The following PFKP variants were observed in gnomAD, a reference collection of about 807,000 sequenced individuals.
PFKP encodes the protein ATP-dependent 6-phosphofructokinase, platelet type.
A neutral mutation model predicts 94.3 loss-of-function variants in PFKP; 101 were observed. The observed-to-expected ratio is 1.07, with a 90% CI of 0.91 to 1.26. The LOEUF (loss-of-function observed/expected upper bound fraction) is 1.26, where lower values mean the gene tolerates loss of function less well. PFKP is among the 50% of genes most tolerant of loss of function. The pLI is 0.00. For synonymous variants in PFKP, 573 were observed against 432.6 expected (o/e 1.32, Z -4.03); for missense variants, 1,145 against 1,103.3 (o/e 1.04, Z -0.53).
intron 16 of PFKP, among the ~76,000 whole-genome samples, chr10:3,128,327 A>G (rs1838176390): frequency 6.6e-6 from 1 of 152,230 alleles, no homozygotes; most frequent in African/African-American, 2.4e-5. Context: ...TTCTGTGAAG[A>G]GAGGACATGG....
chr10:3,098,486 C>T lies in PFKP; in HGVS notation c.187-789C>T, dbSNP rs199969788. Among the ~76,000 whole-genome samples, 13 of 151,904 alleles carry T rather than the reference C, an allele frequency of 8.6e-5. No individual in the cohort carries two copies. In the East Asian group the frequency reaches 2.1e-3, roughly 25 times the overall value. Reference sequence around the variant, plus strand: ...GTCAGGAGTTTGAGACCAGCATGGCCAACAAGGTGAAGCCCCGTCTCTACT... The same window carrying T: ...GTCAGGAGTTTGAGACCAGCATGGCTAACAAGGTGAAGCCCCGTCTCTACT... On this transcript the variant is annotated intron_variant, in intron 2 of 21. Coordinates refer to ENST00000381125, the MANE Select transcript of PFKP (RefSeq NM_002627.5).
chr10:3,099,969 T>G (rs1034269121), intron 3 of PFKP, among the ~76,000 whole-genome samples: 1 of 151,594 alleles, frequency 6.6e-6, no homozygotes, highest in Non-Finnish European at 1.5e-5. Context: ...CGTGTGTATG[T>G]GTTAACTGTG....
chr10:3,075,905 A>G lies in PFKP; in HGVS notation c.113-6483A>G, dbSNP rs1190786672. Among the ~76,000 whole-genome samples the G allele has an allele frequency of 4.6e-3, 317 of 69,116 alleles. 3 individuals carry two copies. The highest frequency in any genetic ancestry group is 0.031 in the African/African-American group (304 of 9,828). 45.3% of individuals were successfully genotyped at this position (69,116 alleles called of 152,430 possible). On this transcript the variant is annotated intron_variant, in intron 1 of 21. Coordinates refer to ENST00000381125, the MANE Select transcript of PFKP (RefSeq NM_002627.5). ...GGGCAACAGAGTGAGACCCTATCGC[A>G]AAAAAAAAAAAAAAAAAAAGTAGTG...
intron 2 of PFKP, among the ~76,000 whole-genome samples, chr10:3,090,175 G>C (rs1001983009): frequency 2.0e-5 from 3 of 152,156 alleles, no homozygotes; most frequent in African/African-American, 7.2e-5. Context: ...GCGTATATAC[G>C]CAATGGAATA....
At position 3,073,245 on chromosome 10, in the gene PFKP, G is replaced by T. The variant is rs1319564363; in HGVS notation, c.112+5538G>T. ...TAGGGTCTTGATGTTTTCCTCTGCA[G>T]AATGGAGGCATCACTCAGTCTCTGT... On this transcript the variant is annotated intron_variant, in intron 1 of 21. Coordinates refer to ENST00000381125, the MANE Select transcript of PFKP (RefSeq NM_002627.5). Among the ~76,000 whole-genome samples, 9 of 152,030 alleles carry T rather than the reference G, an allele frequency of 5.9e-5. No homozygotes were observed. In the East Asian group the frequency reaches 1.7e-3, roughly 29 times the overall value.
Position 3,101,551 on chromosome 10 carries a change from A to ACC in PFKP, c.451_452insCC (p.Asn151ThrfsTer34). On this transcript the variant is annotated frameshift_variant, in exon 4 of 22. Coordinates refer to ENST00000381125, the MANE Select transcript of PFKP (RefSeq NM_002627.5). LOFTEE classifies it high-confidence loss of function. ...TGGGCTGCTGGAGGAGCTGGCCAGGAACGGTGAGTGGACACCTGCTCCTCT... is the reference window on the plus strand; with the variant it reads ...TGGGCTGCTGGAGGAGCTGGCCAGGACCACGGTGAGTGGACACCTGCTCCTCT... The ACC allele has an allele frequency of 3.3e-6, 5 of 1,536,552 alleles. No individual in the cohort carries two copies. The highest frequency in any genetic ancestry group is 1.3e-5 in the South Asian group (1 of 78,520).
At chr10:3,123,436 AGAG>A (rs1047954006) in intron 16 of PFKP, among the ~76,000 whole-genome samples, 2 of 152,150 alleles carry the variant, frequency 1.3e-5, no homozygotes, top group Admixed American at 6.5e-5. Flanking sequence ...AGGAAGGAAA[AGAG>A]GAGTGATAGG....
chr10:3,101,953 C>CT (rs1420853205), intron 4 of PFKP, among the ~76,000 whole-genome samples: 1 of 152,172 alleles, frequency 6.6e-6, no homozygotes, highest in African/African-American at 2.4e-5. Context: ...CGCTGGGGTC[C>CT]TTTAAAACTG....
chr10:3,113,074 G>C, intron 11 of PFKP, 45 bp from the exon 12 acceptor site: 1 of 1,567,850 alleles, frequency 6.4e-7, no homozygotes, highest in Non-Finnish European at 8.7e-7. Context: ...CCTGAGTTGT[G>C]TCCGGTATTC....
Position 3,104,986 on chromosome 10 carries a change from C to T in PFKP, c.621-129C>T, listed in dbSNP as rs1478775417. 3.6e-6 allele frequency: 3 copies of T among 839,594 alleles called. No individual in the cohort carries two copies. The African/African-American group carries it at 5.1e-5, about 14-fold the overall frequency. The allele number at this position is 839,594 out of a possible 1,614,324, so 52.0% of individuals were successfully genotyped here. On this transcript the variant is annotated intron_variant, in intron 5 of 21. Transcript: ENST00000381125. Reference sequence around the variant, plus strand: ...TTTTGAAGCCTAGGTCCCTGCAGGCCTCCTGGCTAACTCGGCTGTCAAAGC... The same window carrying T: ...TTTTGAAGCCTAGGTCCCTGCAGGCTTCCTGGCTAACTCGGCTGTCAAAGC...
At chr10:3,089,735 CATTATT>C (rs1159783127) in intron 2 of PFKP, among the ~76,000 whole-genome samples, 2 of 149,986 alleles carry the variant, frequency 1.3e-5, no homozygotes, top group African/African-American at 2.4e-5. Flanking sequence ...TTATGTATAA[CATTATT>C]ATATATTATT....
At chr10:3,080,664 G>A (rs550566955) in intron 1 of PFKP, among the ~76,000 whole-genome samples, 1 of 152,258 alleles carries the variant, frequency 6.6e-6, no homozygotes, top group Non-Finnish European at 1.5e-5. Context: ...GCTCTCCAAC[G>A]GGGTGGGGCT....
intron 2 of PFKP, among the ~76,000 whole-genome samples, chr10:3,089,047 T>C (rs1025329761): frequency 3.3e-5 from 5 of 152,190 alleles, no homozygotes; most frequent in African/African-American, 1.2e-4. Context: ...TTCTCCTGCC[T>C]CAGCCTCCTG....
In PFKP at chr10:3,108,553, G is replaced by T; in HGVS notation, c.871-148G>T. ...GCCTGTTATATACACTAAACGTTCT[G>T]CTAGGAAACAAAATTTAGAAATAAC... is the stretch of plus-strand genomic sequence containing the variant. On this transcript the variant is annotated intron_variant, in intron 8 of 21. Transcript: ENST00000381125. 1 of 619,592 alleles carries T rather than the reference G, an allele frequency of 1.6e-6. No homozygotes were observed. The highest frequency in any genetic ancestry group is 2.9e-6 in the Non-Finnish European group (1 of 342,250). 38.4% of individuals were successfully genotyped at this position (619,592 alleles called of 1,614,324 possible).
chr10:3,088,360 T>C (rs983078342), intron 2 of PFKP, among the ~76,000 whole-genome samples: 1 of 152,078 alleles, frequency 6.6e-6, no homozygotes, highest in Non-Finnish European at 1.5e-5. Flanking sequence ...TATTCCATGG[T>C]GTATATGTGC....
chr10:3,134,919 C>G (rs9423698), intron 20 of PFKP, among the ~76,000 whole-genome samples: 63,612 of 152,046 alleles, frequency 0.42, 13,816 homozygotes, highest in African/African-American at 0.53. Flanking sequence ...TGAATGTTTG[C>G]TAGGACAACC....
At chr10:3,077,249 C>CTTTTTTTTTTTTTTTT (rs35306351) in intron 1 of PFKP, among the ~76,000 whole-genome samples, 3 of 108,180 alleles carry the variant, frequency 2.8e-5, no homozygotes, top group Non-Finnish European at 5.5e-5. Flanking sequence ...CTATTCTTTA[C>CTTTTTTTTTTTTTTTT]TTTTTTTTTT....
rs891456705 is a variant in PFKP, at chr10:3,134,345, T to A, written c.2023-138T>A. 1.0e-4 allele frequency: 63 copies of A among 620,326 alleles called. No homozygotes were observed. In the African/African-American group the frequency reaches 1.1e-3, roughly 11 times the overall value. 38.4% of individuals were successfully genotyped at this position (620,326 alleles called of 1,614,324 possible). On this transcript the variant is annotated intron_variant, in intron 19 of 21. Coordinates refer to ENST00000381125, the MANE Select transcript of PFKP (RefSeq NM_002627.5). ...ACAGGCCAAGTTCAGGCTACGGGAA[T>A]CACAGGTTTTGTTCTGTTCCAACTA...
chr10:3,113,586 G>C (rs533533730), intron 13 of PFKP, 68 bp downstream of exon 13: 7 of 1,456,212 alleles, frequency 4.8e-6, no homozygotes, highest in East Asian at 2.3e-5. Flanking sequence ...GTGGCGGCGG[G>C]GGGGTGCCCT....
Sources: gnomAD v4.1 joint callset for allele counts (sites outside exome capture counted in the v4.1 genomes callset) on GRCh38, gnomAD v4.1.1 for gene constraint, MANE v1.5 for transcripts, NCBI Gene and HGNC (gene_info 2026-07-23, HGNC 2026-07-21) for gene names.